The following PDE4DIP variants were observed in gnomAD, a reference collection of about 807,000 sequenced individuals.
The protein encoded by PDE4DIP is myomegalin.
In PDE4DIP, 59 loss-of-function variants were observed where a neutral mutation model predicts 221.4. That is an observed-to-expected ratio of 0.27 (90% CI 0.22 to 0.33). The LOEUF (loss-of-function observed/expected upper bound fraction) is 0.33, where lower values mean the gene tolerates loss of function less well. PDE4DIP is among the 10% of genes least tolerant of loss of function. PDE4DIP has a pLI of 1.00. For synonymous variants in PDE4DIP, 404 were observed against 815.9 expected, an observed-to-expected ratio of 0.50 and a Z score of 8.60; for missense variants, 1,036 against 2,154.2, an observed-to-expected ratio of 0.48 and a Z score of 10.28.
At chr1:149,022,561 C>T (rs587710904) in intron 37 of PDE4DIP, among the ~76,000 whole-genome samples, 2 of 152,382 alleles carry the variant, frequency 1.3e-5, no homozygotes, top group South Asian at 4.1e-4. Flanking sequence ...ATAGAGGGGG[C>T]TCACCAGGCT....
At chr1:149,023,932 T>TAGAG (rs1305947144) in intron 37 of PDE4DIP, among the ~76,000 whole-genome samples, 1 of 147,374 alleles carries the variant, frequency 6.8e-6, no homozygotes, top group Non-Finnish European at 1.5e-5. Context: ...CACACATATA[T>TAGAG]ATAGAGAGAG....
intron 17 of PDE4DIP, among the ~76,000 whole-genome samples, chr1:148,975,081 G>C (rs185173922): frequency 0.013 from 1,825 of 143,046 alleles, 39 homozygotes; most frequent in African/African-American, 0.044. Flanking sequence ...TCAGGCAGGA[G>C]AATCACTTGA....
intron 1 of PDE4DIP, among the ~76,000 whole-genome samples, chr1:148,862,026 C>T (rs587693626): frequency 0.01 from 1,127 of 110,760 alleles, 1 homozygote; most frequent in African/African-American, 0.04. Flanking sequence ...CTCTTATGGG[C>T]CTTTGCATTT....
intron 4 of PDE4DIP, among the ~76,000 whole-genome samples, chr1:148,933,223 G>T (rs1461588307): frequency 1.3e-5 from 2 of 152,030 alleles, no homozygotes; most frequent in Non-Finnish European, 2.9e-5. Flanking sequence ...AGTGGATAGG[G>T]AAAGGAAATA....
exon 30 of PDE4DIP, chr1:149,009,577 G>A (rs1553602774): frequency 1.2e-6 from 2 of 1,601,042 alleles, no homozygotes; most frequent in Middle Eastern, 1.7e-4. Context: ...GGCTCAGCAG[G>A]GAGCTGCAGG....
intron 5 of PDE4DIP, chr1:148,952,230 C>G (rs1167803131): frequency 9.8e-7 from 1 of 1,019,072 alleles, no homozygotes; most frequent in Non-Finnish European, 1.2e-6. Context: ...TCGCCGTGAG[C>G]CAGGTGTGCA....
Position 148,933,881 on chromosome 1 carries a change from C to T in PDE4DIP, c.518+1593C>T, listed in dbSNP as rs587646619. On this transcript the variant is annotated intron_variant, in intron 4 of 43. Transcript: ENST00000369354. The stretch of plus-strand genomic sequence containing the variant: ...GCCAGGCTAGTAATAATAATGATGG[C>T]TAAGCTTTGTTGAGCTCTTACCATA... Among the ~76,000 whole-genome samples, 236 of 150,232 alleles carry T rather than the reference C, an allele frequency of 1.6e-3. 1 individual carries two copies. Among genetic ancestry groups the T allele is most frequent in the African/African-American group, 5.4e-3 (222 of 40,890 alleles).
At chr1:148,885,019 A>C, upstream of PDE4DIP, among the ~76,000 whole-genome samples, 1 of 149,360 alleles carries the variant, frequency 6.7e-6, no homozygotes, top group Non-Finnish European at 1.5e-5. Flanking sequence ...TTACTCATCC[A>C]TTCTTTAATT....
chr1:148,949,833 G>T (rs1232406396), intron 5 of PDE4DIP, among the ~76,000 whole-genome samples: 1 of 151,434 alleles, frequency 6.6e-6, no homozygotes, highest in East Asian at 1.9e-4. Context: ...ATTTTCTCTG[G>T]AAGTGAACAG....
In PDE4DIP at chr1:148,995,924, TA is replaced by T. The variant is rs10671860; in HGVS notation, c.2905-2206del. ...ATAAAAAATAAAAGTTGTATATATGTAAAAAAAAAAAAACCTTAAAGTTAGC... is the reference window on the plus strand; with the variant it reads ...ATAAAAAATAAAAGTTGTATATATGTAAAAAAAAAAAACCTTAAAGTTAGC... On this transcript the variant is annotated intron_variant, in intron 22 of 43. Transcript: ENST00000369354. Among the ~76,000 whole-genome samples, 252 of 142,142 alleles carry T rather than the reference TA, an allele frequency of 1.8e-3. 1 individual carries two copies. The highest frequency in any genetic ancestry group is 0.011 in the Middle Eastern group (3 of 282). The allele number at this position is 142,142 out of a possible 152,430, so 93.3% of individuals were successfully genotyped here.
chr1:149,013,310 G>A (rs1277073842), intron 32 of PDE4DIP, among the ~76,000 whole-genome samples: 2 of 132,408 alleles, frequency 1.5e-5, no homozygotes, highest in Non-Finnish European at 3.2e-5. Context: ...GCACAGGGTT[G>A]GTCCCTGCCC....
chr1:148,963,817 G>A (rs1277924989), intron 9 of PDE4DIP, among the ~76,000 whole-genome samples: 7 of 113,754 alleles, frequency 6.2e-5, no homozygotes, highest in East Asian at 6.5e-4. Context: ...ACAGTGGCGC[G>A]ATCTCGGCTC....
chr1:148,887,615 C>CA (rs3978554), upstream of PDE4DIP, among the ~76,000 whole-genome samples: 60 of 5,314 alleles, frequency 0.011, no homozygotes, highest in African/African-American at 0.043. Context: ...GACTCTGTCT[C>CA]AAAAAAAAAA....
At chr1:148,882,857 A>G (rs3845323) in intron 3 of PDE4DIP, among the ~76,000 whole-genome samples, 12,225 of 131,780 alleles carry the variant, frequency 0.093, 53 homozygotes, top group Middle Eastern at 0.13. Flanking sequence ...TCCTACTTTC[A>G]TTCCCTTTAA....
intron 32 of PDE4DIP, among the ~76,000 whole-genome samples, chr1:149,013,984 C>T (rs1355528565): frequency 2.6e-5 from 4 of 151,892 alleles, no homozygotes; most frequent in East Asian, 1.9e-4. Context: ...GACAGGGTTT[C>T]GCCATGTTGC....
intron 12 of PDE4DIP, 138 bp from the exon 16 acceptor site, chr1:148,967,588 T>C (rs1347310695): frequency 1.5e-5 from 9 of 615,526 alleles, no homozygotes; most frequent in Non-Finnish European, 2.6e-5. Flanking sequence ...TAGTATGGCA[T>C]TGTTAGATCA....
chr1:149,017,229 G>A (rs587748706), intron 33 of PDE4DIP, among the ~76,000 whole-genome samples: 1 of 150,978 alleles, frequency 6.6e-6, no homozygotes, highest in South Asian at 2.2e-4. Context: ...TATTAAAAGT[G>A]ATTTCAGGGA....
intron 1 of PDE4DIP, among the ~76,000 whole-genome samples, chr1:148,922,859 T>A (rs2045769084): frequency 6.6e-6 from 1 of 150,998 alleles, no homozygotes; most frequent in South Asian, 2.1e-4. Flanking sequence ...GTGCTGGGAT[T>A]ACAGGCATGA....
intron 5 of PDE4DIP, among the ~76,000 whole-genome samples, chr1:148,956,476 G>A (rs2055372251): frequency 6.6e-6 from 1 of 151,992 alleles, no homozygotes; most frequent in Non-Finnish European, 1.5e-5. Flanking sequence ...ATTATACAAA[G>A]TAATTTATTT....
Sources: gnomAD v4.1 joint callset for allele counts (sites outside exome capture counted in the v4.1 genomes callset) on GRCh38, gnomAD v4.1.1 for gene constraint, MANE v1.5 for transcripts, NCBI Gene and HGNC (gene_info 2026-07-23, HGNC 2026-07-21) for gene names.